Variants in PTPRD observed in about 807,000 individuals in gnomAD.
PTPRD encodes receptor-type tyrosine-protein phosphatase delta.
PTPRD carries 34 observed loss-of-function variants against 214.5 expected under a neutral mutation model. The observed-to-expected ratio is 0.16, with a 90% CI of 0.12 to 0.21. PTPRD has a LOEUF of 0.21. PTPRD is among the 10% of genes least tolerant of loss of function. The pLI is 1.00. For missense variants in PTPRD, 2,545 were observed against 2,398.7 expected (o/e 1.06, Z -1.27); for synonymous variants, 1,128 against 845.7 (o/e 1.33, Z -5.79).
chr9:9,274,587 A>G (rs559487489), intron 9 of PTPRD, among the ~76,000 whole-genome samples: 10 of 151,100 alleles, frequency 6.6e-5, no homozygotes, highest in African/African-American at 1.9e-4. Flanking sequence ...AATTTGGAGA[A>G]CTCCCAAAAA....
intron 12 of PTPRD, among the ~76,000 whole-genome samples, chr9:8,704,413 A>G (rs1171323477): frequency 6.6e-6 from 1 of 152,158 alleles, no homozygotes; most frequent in Non-Finnish European, 1.5e-5. Flanking sequence ...GGGAAGAAGG[A>G]AAAAAAGGAA....
At chr9:8,766,187 GAAA>G (rs5896254) in intron 11 of PTPRD, among the ~76,000 whole-genome samples, 1 of 121,972 alleles carries the variant, frequency 8.2e-6, no homozygotes. Context: ...TACCACTGAT[GAAA>G]AAAAAAAAAA....
intron 11 of PTPRD, among the ~76,000 whole-genome samples, chr9:8,735,964 G>C (rs1282049797): frequency 6.7e-6 from 1 of 149,374 alleles, no homozygotes; most frequent in Non-Finnish European, 1.5e-5. Context: ...AGGTCACAGA[G>C]AGCCTTGGAT....
At chr9:10,214,516 T>C (rs987396500) in intron 3 of PTPRD, among the ~76,000 whole-genome samples, 5 of 150,980 alleles carry the variant, frequency 3.3e-5, no homozygotes, top group African/African-American at 1.2e-4. Flanking sequence ...CCTCAGATGA[T>C]CCACCTGCCT....
intron 10 of PTPRD, among the ~76,000 whole-genome samples, chr9:9,023,625 C>T (rs1388129977): frequency 6.6e-6 from 1 of 151,876 alleles, no homozygotes; most frequent in Non-Finnish European, 1.5e-5. Flanking sequence ...GAGTATAGTA[C>T]CCACTAGGCA....
chr9:9,707,090 T>C (rs188650479), intron 7 of PTPRD, among the ~76,000 whole-genome samples: 190 of 152,268 alleles, frequency 1.2e-3, no homozygotes, highest in Non-Finnish European at 2.2e-3. Flanking sequence ...AAATTCCAAG[T>C]TGCTAACAAT....
At chr9:8,815,108 GT>G (rs58257255) in intron 11 of PTPRD, among the ~76,000 whole-genome samples, 2,660 of 146,312 alleles carry the variant, frequency 0.018, 59 homozygotes, top group African/African-American at 0.053. Flanking sequence ...ATATAATTTA[GT>G]TTTTTTTTTT....
At chr9:10,424,317 C>CTA (rs1019107622) in intron 2 of PTPRD, among the ~76,000 whole-genome samples, 2 of 148,020 alleles carry the variant, frequency 1.4e-5, no homozygotes, top group South Asian at 2.1e-4. Flanking sequence ...TTCCTTTTCT[C>CTA]TCTCTCTCTC....
At chr9:8,928,026 A>G (rs1159103085) in intron 11 of PTPRD, among the ~76,000 whole-genome samples, 1 of 152,110 alleles carries the variant, frequency 6.6e-6, no homozygotes, top group African/African-American at 2.4e-5. Context: ...GTCTGTTCAT[A>G]TCCTTCGCCC....
chr9:8,935,209 A>G (rs9299081), intron 11 of PTPRD, among the ~76,000 whole-genome samples: 21,001 of 152,188 alleles, frequency 0.14, 1,899 homozygotes, highest in South Asian at 0.2. Context: ...AATACCCTAA[A>G]GACTTCACCA....
Position 9,371,134 on chromosome 9 carries a change from A to C in PTPRD, c.-203+26315T>G, listed in dbSNP as rs1185604270. Among the ~76,000 whole-genome samples, 4 of 152,222 alleles carry C rather than the reference A, an allele frequency of 2.6e-5. No homozygotes were observed. In the East Asian group the frequency reaches 7.7e-4, roughly 29 times the overall value. The stretch of plus-strand genomic sequence containing the variant: ...AGGATGATGCTGGCTTCATAAAATG[A>C]GTTAGGGAGGATTCCCTCTTTTTCC... On this transcript the variant is annotated intron_variant, in intron 9 of 45. Coordinates refer to ENST00000381196, the MANE Select transcript of PTPRD (RefSeq NM_002839.4).
At chr9:9,124,316 C>G (rs1354190689) in intron 10 of PTPRD, among the ~76,000 whole-genome samples, 2 of 152,082 alleles carry the variant, frequency 1.3e-5, no homozygotes, top group Non-Finnish European at 2.9e-5. Context: ...AAGATTCTTT[C>G]TAACTATCTA....
intron 8 of PTPRD, among the ~76,000 whole-genome samples, chr9:9,472,472 G>A (rs2094687015): frequency 6.6e-6 from 1 of 151,666 alleles, no homozygotes; most frequent in Non-Finnish European, 1.5e-5. Flanking sequence ...CAAAGTGCTG[G>A]GATTACAGGC....
intron 2 of PTPRD, among the ~76,000 whole-genome samples, chr9:10,345,349 C>T (rs554916261): frequency 2.0e-5 from 3 of 152,028 alleles, no homozygotes; most frequent in South Asian, 2.1e-4. Context: ...CACATGCCAT[C>T]GTGGTTTGCT....
intron 5 of PTPRD, among the ~76,000 whole-genome samples, chr9:9,916,820 G>C (rs1285132956): frequency 1.3e-5 from 2 of 151,964 alleles, no homozygotes; most frequent in African/African-American, 2.4e-5. Flanking sequence ...GGATTGACAT[G>C]TTAGGACACC....
In PTPRD at chr9:8,882,713, C is replaced by T. The variant is rs1007358069; in HGVS notation, c.-104+135984G>A. ...CAGCCTGGCCGACATAGTGAAACCC[C>T]GCCTCTACTAAAAATATAAAAATTA... On this transcript the variant is annotated intron_variant, in intron 11 of 45. Coordinates refer to ENST00000381196, the MANE Select transcript of PTPRD (RefSeq NM_002839.4). Among the ~76,000 whole-genome samples, 6 of 151,678 alleles carry T rather than the reference C, an allele frequency of 4.0e-5. No individual in the cohort carries two copies. In the East Asian group the frequency reaches 9.7e-4, roughly 25 times the overall value.
At chr9:9,448,665 T>C (rs1055286969) in intron 8 of PTPRD, among the ~76,000 whole-genome samples, 5 of 151,974 alleles carry the variant, frequency 3.3e-5, no homozygotes, top group African/African-American at 1.2e-4. Flanking sequence ...ACACACATAA[T>C]AGGGAAGAAA....
intron 9 of PTPRD, among the ~76,000 whole-genome samples, chr9:9,218,564 C>T (rs2099953777): frequency 6.6e-6 from 1 of 152,034 alleles, no homozygotes; most frequent in Non-Finnish European, 1.5e-5. Flanking sequence ...CTGTGGAAGC[C>T]TTCTAAGTGA....
chr9:8,652,633 T>C (rs1226511039), intron 12 of PTPRD, among the ~76,000 whole-genome samples: 2 of 152,230 alleles, frequency 1.3e-5, no homozygotes, highest in Non-Finnish European at 2.9e-5. Context: ...AAAATACTGT[T>C]ATAAATACTA....
Sources: gnomAD v4.1 joint callset for allele counts (sites outside exome capture counted in the v4.1 genomes callset) on GRCh38, gnomAD v4.1.1 for gene constraint, MANE v1.5 for transcripts, NCBI Gene and HGNC (gene_info 2026-07-23, HGNC 2026-07-21) for gene names.